GDAP1: variants seen among roughly 807,000 people sequenced by gnomAD.
The protein encoded by GDAP1 is ganglioside-induced differentiation-associated protein 1.
A neutral mutation model predicts 40.1 loss-of-function variants in GDAP1; 34 were observed. The observed-to-expected ratio is 0.85, with a 90% CI of 0.64 to 1.13. The LOEUF (loss-of-function observed/expected upper bound fraction) is 1.13. Ranked by LOEUF, GDAP1 falls within the 50% of genes most tolerant of loss-of-function variation. The probability of loss-of-function intolerance (pLI) is 0.00; values close to 1 mark genes in which losing one functional copy is unlikely to be tolerated. For missense variants in GDAP1, 374 were observed against 433.7 expected (o/e 0.86, Z 1.22); for synonymous variants, 170 against 157.4 (o/e 1.08, Z -0.60).
At chr8:74,460,382 C>T (rs1419252660) in intron 2 of GDAP1, among the ~76,000 whole-genome samples, 1 of 152,178 alleles carries the variant, frequency 6.6e-6, no homozygotes, top group Non-Finnish European at 1.5e-5. Flanking sequence ...CTTGATTCTC[C>T]TCCATTTCAA....
In GDAP1 at chr8:74,401,514, C is replaced by T. The variant is rs558665100; in HGVS notation, c.165+50193C>T. 4.4e-3 allele frequency among the ~76,000 whole-genome samples: 655 copies of T among 150,028 alleles called. 13 individuals are homozygous for T. Among genetic ancestry groups the T allele is most frequent in the Non-Finnish European group, 6.0e-3 (405 of 68,028 alleles). ...TTGGTTTGAATTTCCTCCTGTAGCT[C>T]GGAGTAGTTTGATCGTCTGAAGCCT... On this transcript the variant is annotated intron_variant, in intron 2 of 2. Transcript: ENST00000523640.
chr8:74,405,903 G>T (rs1009111849), intron 2 of GDAP1, among the ~76,000 whole-genome samples: 8 of 150,004 alleles, frequency 5.3e-5, no homozygotes, highest in Admixed American at 1.3e-4. Context: ...AAGGGGAGAT[G>T]TTGGGGTACG....
At chr8:74,386,498 T>C (rs1268398233) in intron 2 of GDAP1, among the ~76,000 whole-genome samples, 7 of 152,190 alleles carry the variant, frequency 4.6e-5, no homozygotes, top group Admixed American at 3.3e-4. Flanking sequence ...TGGTTGTAGA[T>C]GTGTGGCGTT....
At chr8:74,485,483 C>T (rs1398562380) in intron 2 of GDAP1, among the ~76,000 whole-genome samples, 1 of 152,084 alleles carries the variant, frequency 6.6e-6, no homozygotes, top group African/African-American at 2.4e-5. Context: ...ATATGAGGCA[C>T]AATTCTTGCT....
At chr8:74,383,745 T>C (rs189301553) in intron 2 of GDAP1, among the ~76,000 whole-genome samples, 15 of 152,278 alleles carry the variant, frequency 9.9e-5, no homozygotes, top group Admixed American at 5.2e-4. Context: ...ATTTTTCTCT[T>C]AGTTTGCCAG....
At chr8:74,403,128 G>A (rs1805583272) in intron 2 of GDAP1, among the ~76,000 whole-genome samples, 1 of 150,022 alleles carries the variant, frequency 6.7e-6, no homozygotes. Flanking sequence ...ATCTCGCAGT[G>A]ATGGGAGAGT....
rs974256600 is a variant in GDAP1 at position 74,366,229 on chromosome 8, A to G, written c.*1862A>G. The G allele has an allele frequency of 1.5e-5, 7 of 454,196 alleles. No individual in the cohort carries two copies. In the Admixed American group the frequency reaches 1.6e-4, roughly 11 times the overall value. 28.1% of individuals were successfully genotyped at this position (454,196 alleles called of 1,614,324 possible). On this transcript the variant is annotated 3_prime_UTR_variant, in exon 6 of 6. Coordinates refer to ENST00000220822, the MANE Select transcript of GDAP1 (RefSeq NM_018972.4). Reference sequence around the variant, plus strand: ...AGATAGTGGCAATTTCATATATTTCATGGATACTTGAGTTTGTGCTTTTAA... The same window carrying G: ...AGATAGTGGCAATTTCATATATTTCGTGGATACTTGAGTTTGTGCTTTTAA...
At chr8:74,405,550 C>T (rs767695880) in intron 2 of GDAP1, among the ~76,000 whole-genome samples, 14 of 149,990 alleles carry the variant, frequency 9.3e-5, no homozygotes, top group South Asian at 2.1e-4. Context: ...TACTGTTGTC[C>T]GTGCTGGGCT....
chr8:74,428,502 C>A (rs1348366008), intron 2 of GDAP1, among the ~76,000 whole-genome samples: 2 of 149,982 alleles, frequency 1.3e-5, no homozygotes, highest in Non-Finnish European at 3.0e-5. Context: ...CGGAGTCTTG[C>A]TCTGTTGCCC....
intron 2 of GDAP1, among the ~76,000 whole-genome samples, chr8:74,446,081 A>G (rs1167437932): frequency 6.6e-6 from 1 of 152,210 alleles, no homozygotes; most frequent in Non-Finnish European, 1.5e-5. Context: ...GTCTCAGCTA[A>G]TTAAAATAAA....
At chr8:74,460,589 T>C (rs1309576481) in intron 2 of GDAP1, among the ~76,000 whole-genome samples, 1 of 152,110 alleles carries the variant, frequency 6.6e-6, no homozygotes, top group Non-Finnish European at 1.5e-5. Context: ...AATCTAATAC[T>C]GAACAGCAGG....
At chr8:74,479,873 C>T (rs1358539392) in intron 2 of GDAP1, among the ~76,000 whole-genome samples, 1 of 152,072 alleles carries the variant, frequency 6.6e-6, no homozygotes, top group Non-Finnish European at 1.5e-5. Context: ...TTTTTTGAGG[C>T]CTAGGCTTGG....
chr8:74,385,054 G>A (rs1347869528), intron 2 of GDAP1, among the ~76,000 whole-genome samples: 1 of 152,016 alleles, frequency 6.6e-6, no homozygotes, highest in East Asian at 1.9e-4. Flanking sequence ...TAGAATCACA[G>A]AACTGGAAAG....
intron 2 of GDAP1, among the ~76,000 whole-genome samples, chr8:74,443,415 T>G (rs1200055986): frequency 6.6e-6 from 1 of 152,228 alleles, no homozygotes; most frequent in East Asian, 1.9e-4. Flanking sequence ...TAAAAAAAAC[T>G]TTGACAAATT....
intron 2 of GDAP1, among the ~76,000 whole-genome samples, chr8:74,462,927 G>A (rs1806418577): frequency 6.6e-6 from 1 of 150,890 alleles, no homozygotes; most frequent in Non-Finnish European, 1.5e-5. Flanking sequence ...TCATTCAGAA[G>A]AGATCAAATT....
intron 2 of GDAP1, among the ~76,000 whole-genome samples, chr8:74,403,655 C>T (rs1267187980): frequency 6.7e-6 from 1 of 150,310 alleles, no homozygotes; most frequent in South Asian, 2.1e-4. Flanking sequence ...TTGGGTAAGA[C>T]ATTTGGGCAG....
At chr8:74,358,797 G>A (rs577671320) in intron 2 of GDAP1, among the ~76,000 whole-genome samples, 4 of 152,282 alleles carry the variant, frequency 2.6e-5, no homozygotes, top group African/African-American at 9.6e-5. Flanking sequence ...GGAGATTTGA[G>A]ATCTTGGATA....
chr8:74,425,474 A>T (rs1299972676), intron 2 of GDAP1, among the ~76,000 whole-genome samples: 1 of 152,222 alleles, frequency 6.6e-6, no homozygotes, highest in Admixed American at 6.5e-5. Flanking sequence ...GTTGTATGGG[A>T]CAAAGTGGAA....
At chr8:74,446,205 G>GT (rs1806224722) in intron 2 of GDAP1, among the ~76,000 whole-genome samples, 1 of 152,168 alleles carries the variant, frequency 6.6e-6, no homozygotes. Context: ...TTTTAAGAAA[G>GT]TAATTCCTTT....
Sources: gnomAD v4.1 joint callset for allele counts (sites outside exome capture counted in the v4.1 genomes callset) on GRCh38, gnomAD v4.1.1 for gene constraint, MANE v1.5 for transcripts, NCBI Gene and HGNC (gene_info 2026-07-23, HGNC 2026-07-21) for gene names.